Variants in HEPH observed in about 807,000 individuals in gnomAD.
HEPH encodes the protein hephaestin.
In HEPH, 69 loss-of-function variants were observed where a neutral mutation model predicts 80.8. That is an observed-to-expected ratio of 0.85 (90% CI 0.70 to 1.04). The LOEUF is 1.04. Among genes scored for constraint, HEPH ranks in the 50% least tolerant of loss-of-function variants. The pLI is 0.00. For missense variants in HEPH, 1,115 were observed against 891.3 expected, an observed-to-expected ratio of 1.25 and a Z score of -3.20; for synonymous variants, 431 against 322.8, an observed-to-expected ratio of 1.34 and a Z score of -3.60.
At chrX:66,181,914 A>C (rs890427529) in intron 4 of HEPH, among the ~76,000 whole-genome samples, 1 of 109,487 alleles carries the variant, frequency 9.1e-6, no homozygotes, top group East Asian at 2.9e-4. Context: ...AGCTTTCTAC[A>C]TATGGCTAGC....
At chrX:66,260,589 T>C (rs1569417544) in intron 19 of HEPH, among the ~76,000 whole-genome samples, 1 of 112,126 alleles carries the variant, frequency 8.9e-6, no homozygotes, top group Admixed American at 9.4e-5. Flanking sequence ...GCAGGCCTGC[T>C]TCTTTTGAAA....
intron 18 of HEPH, 77 bp downstream of exon 18, chrX:66,259,056 A>T (rs1478650680): frequency 3.0e-6 from 3 of 990,706 alleles, no homozygotes; most frequent in Non-Finnish European, 4.0e-6. Context: ...AAAAGGTAAC[A>T]GTGTGGAACA....
intron 2 of HEPH, chrX:66,171,164 A>C (rs2086580676): frequency 3.1e-6 from 1 of 317,600 alleles, no homozygotes; most frequent in Admixed American, 3.4e-5. Flanking sequence ...AAGCCTTAGA[A>C]TCAAGGAATT....
In HEPH at chrX:66,170,594, G is replaced by A; in HGVS notation, c.24G>A (p.Trp8Ter). Residue 8 changes from tryptophan to a stop codon, truncating the protein, a stop_gained, in exon 2 of 21, where the codon TGG becomes TGA. Coordinates refer to ENST00000343002, the MANE Select transcript of HEPH (RefSeq NM_001367233.3). LOFTEE classifies it high-confidence loss of function. MESGHLL[W>*]ALLFMQSLWP... ...CCATGGAGTCAGGCCACCTCCTCTG[G>A]GCTCTGCTGTTCATGCAGTCCTTGT... The A allele has an allele frequency of 8.3e-7, 1 of 1,210,610 alleles. No homozygotes were observed. The highest frequency in any genetic ancestry group is 1.1e-6 in the Non-Finnish European group (1 of 895,060).
chrX:66,212,689 T>A (rs187077213), intron 15 of HEPH, among the ~76,000 whole-genome samples: 123 of 112,070 alleles, frequency 1.1e-3, no homozygotes, highest in African/African-American at 3.9e-3. Context: ...TGTCTATTTT[T>A]ATACCATGCT....
intron 15 of HEPH, among the ~76,000 whole-genome samples, chrX:66,236,215 G>T (rs1046998706): frequency 2.7e-5 from 3 of 111,602 alleles, no homozygotes; most frequent in African/African-American, 6.5e-5. Context: ...GTGGTTTCCA[G>T]TTTTTGCCCA....
chrX:66,227,439 G>A (rs1274058047), intron 15 of HEPH, among the ~76,000 whole-genome samples: 2 of 111,211 alleles, frequency 1.8e-5, no homozygotes, highest in Non-Finnish European at 3.8e-5. Context: ...TCACACAAGG[G>A]AAAGAAATCA....
At chrX:66,236,682 G>A (rs1433645025) in intron 15 of HEPH, among the ~76,000 whole-genome samples, 1 of 111,322 alleles carries the variant, frequency 9.0e-6, no homozygotes, top group Non-Finnish European at 1.9e-5. Flanking sequence ...AGGTTTAGTA[G>A]GAATGGTAGC....
intron 4 of HEPH, among the ~76,000 whole-genome samples, chrX:66,186,810 A>G (rs1412174666): frequency 2.7e-5 from 3 of 112,094 alleles, no homozygotes; most frequent in Non-Finnish European, 5.6e-5. Flanking sequence ...TTGCTCCTCC[A>G]AATATGTTTT....
At chrX:66,259,422 T>C (rs1216163648) in intron 18 of HEPH, among the ~76,000 whole-genome samples, 1 of 111,151 alleles carries the variant, frequency 9.0e-6, no homozygotes, top group Non-Finnish European at 1.9e-5. Context: ...GGAGGAAGAG[T>C]TGGGGGCATT....
chrX:66,209,480 A>G (rs1357967266), intron 15 of HEPH, among the ~76,000 whole-genome samples: 1 of 112,133 alleles, frequency 8.9e-6, no homozygotes, highest in Non-Finnish European at 1.9e-5. Context: ...GACCTAAAGG[A>G]TGAAAAAAGG....
intron 19 of HEPH, among the ~76,000 whole-genome samples, chrX:66,261,742 C>T (rs1487644611): frequency 1.8e-5 from 2 of 111,432 alleles, no homozygotes; most frequent in Non-Finnish European, 1.9e-5. Flanking sequence ...TGAATGATTG[C>T]ACATTATGAC....
chrX:66,190,205 T>C (rs1347696903), intron 6 of HEPH, among the ~76,000 whole-genome samples: 6 of 110,069 alleles, frequency 5.5e-5, no homozygotes, highest in Non-Finnish European at 9.5e-5. Flanking sequence ...ATAAGTAGAC[T>C]TTTAATCAGC....
chrX:66,255,062 T>C lies in HEPH; in HGVS notation c.2591T>C (p.Ile864Thr). 1.7e-6 allele frequency: 2 copies of C among 1,206,564 alleles called. No homozygotes were observed. Among genetic ancestry groups the C allele is most frequent in the Non-Finnish European group, 2.2e-6 (2 of 892,032 alleles). ...PGEVVTYQWN[I>T]PERSGPGPND... ...GAGGTGGTCACTTATCAGTGGAACA[T>C]CCCAGAGAGGTCTGGCCCTGGGCCC... The change falls in exon 16 of 21, where the codon ATC becomes ACC. Residue 864 changes from isoleucine (I) to threonine (T), a missense_variant. Coordinates refer to ENST00000343002, the MANE Select transcript of HEPH (RefSeq NM_001367233.3).
intron 15 of HEPH, among the ~76,000 whole-genome samples, chrX:66,214,798 G>GT (rs1470935573): frequency 6.3e-5 from 7 of 110,615 alleles, no homozygotes; most frequent in African/African-American, 2.3e-4. Context: ...ATTATTTCAT[G>GT]TTTAGTTTCT....
intron 5 of HEPH, among the ~76,000 whole-genome samples, chrX:66,188,859 T>C (rs1361618326): frequency 8.9e-6 from 1 of 112,528 alleles, no homozygotes; most frequent in East Asian, 2.8e-4. Flanking sequence ...GGTCAATTAC[T>C]TTGCTGTGGG....
chrX:66,246,916 C>T, intron 15 of HEPH, among the ~76,000 whole-genome samples: 1 of 112,187 alleles, frequency 8.9e-6, no homozygotes. Context: ...CCCACCCTCT[C>T]ATTTTTGAAG....
intron 15 of HEPH, among the ~76,000 whole-genome samples, chrX:66,245,597 C>G (rs1440492108): frequency 4.5e-5 from 5 of 111,130 alleles, no homozygotes; most frequent in African/African-American, 1.6e-4. Flanking sequence ...CAAGGATATC[C>G]AGGAACTGAA....
At chrX:66,166,026 G>C (rs781604148) in intron 1 of HEPH, among the ~76,000 whole-genome samples, 11 of 110,775 alleles carry the variant, frequency 9.9e-5, no homozygotes, top group African/African-American at 3.6e-4. Context: ...GCCCAAAGTA[G>C]AGACAATCCT....
Sources: gnomAD v4.1 joint callset for allele counts (sites outside exome capture counted in the v4.1 genomes callset) on GRCh38, gnomAD v4.1.1 for gene constraint, MANE v1.5 for transcripts, NCBI Gene and HGNC (gene_info 2026-07-23, HGNC 2026-07-21) for gene names.